TRAPPC12: variants seen among roughly 807,000 people sequenced by gnomAD.
TRAPPC12 encodes trafficking protein particle complex subunit 12.
A neutral mutation model predicts 69.2 loss-of-function variants in TRAPPC12; 61 were observed. The observed-to-expected ratio is 0.88, with a 90% CI of 0.72 to 1.09. TRAPPC12 has a LOEUF of 1.09. TRAPPC12 is among the 50% of genes least tolerant of loss of function. The pLI is 0.00. For synonymous variants in TRAPPC12, 469 were observed against 438.9 expected (o/e 1.07, Z -0.86); for missense variants, 1,101 against 1,016.4 (o/e 1.08, Z -1.13).
intron 2 of TRAPPC12, among the ~76,000 whole-genome samples, chr2:3,389,366 C>G (rs1660690351): frequency 6.6e-6 from 1 of 152,220 alleles, no homozygotes; most frequent in Admixed American, 6.5e-5. Context: ...GTGCGAGCAA[C>G]TGAGTGTAGG....
intron 5 of TRAPPC12, among the ~76,000 whole-genome samples, 190 bp downstream of exon 5, chr2:3,424,853 T>A (rs906212311): frequency 2.0e-5 from 3 of 152,218 alleles, no homozygotes; most frequent in Non-Finnish European, 4.4e-5. Flanking sequence ...GACCTGGAGG[T>A]GCTCCCTGGT....
intron 1 of TRAPPC12, among the ~76,000 whole-genome samples, chr2:3,384,927 G>C (rs1660425215): frequency 6.6e-6 from 1 of 151,968 alleles, no homozygotes; most frequent in Non-Finnish European, 1.5e-5. Context: ...CTTTTTTTAT[G>C]GTTATAGAAC....
chr2:3,455,540 C>T lies in TRAPPC12; in HGVS notation c.1531-2081C>T, dbSNP rs1440730412. On this transcript the variant is annotated intron_variant, in intron 6 of 11. Transcript: ENST00000324266. Reference sequence around the variant, plus strand: ...AGCCTCTGGTAACCATCCTCCTGCTCTCCATCTCCATGAGTTCAGTTGTTT... The same window carrying T: ...AGCCTCTGGTAACCATCCTCCTGCTTTCCATCTCCATGAGTTCAGTTGTTT... 4 of 152,298 alleles carry T rather than the reference C, an allele frequency of 2.6e-5. No homozygotes were observed. In the South Asian group the frequency reaches 6.2e-4, roughly 24 times the overall value. 9.4% of individuals were successfully genotyped at this position (152,298 alleles called of 1,614,324 possible).
At chr2:3,427,538 G>C (rs1663178095) in intron 5 of TRAPPC12, among the ~76,000 whole-genome samples, 1 of 152,192 alleles carries the variant, frequency 6.6e-6, no homozygotes, top group Admixed American at 6.5e-5. Context: ...TTTATGACAG[G>C]TGTTTAAGAA....
chr2:3,460,223 G>A (rs758000138), intron 7 of TRAPPC12, 40 bp from the exon 8 acceptor site: 28 of 872,464 alleles, frequency 3.2e-5, no homozygotes, highest in Non-Finnish European at 4.4e-5. Context: ...AAAGAGCCTC[G>A]AATTTATTTG....
intron 3 of TRAPPC12, among the ~76,000 whole-genome samples, chr2:3,404,134 C>T (rs1224089956): frequency 6.6e-6 from 1 of 152,132 alleles, no homozygotes; most frequent in African/African-American, 2.4e-5. Flanking sequence ...GGGCCTGGCT[C>T]CCGGCTGTGA....
intron 9 of TRAPPC12, 27 bp from the exon 10 acceptor site, chr2:3,477,668 T>C: frequency 6.8e-7 from 1 of 1,475,792 alleles, no homozygotes. Context: ...TTTTGTCAAC[T>C]AAACTGACTA....
At chr2:3,471,618 A>G (rs12714377) in intron 9 of TRAPPC12, among the ~76,000 whole-genome samples, 26,414 of 152,182 alleles carry the variant, frequency 0.17, 2,766 homozygotes, top group African/African-American at 0.28. Flanking sequence ...TGTTGTAAGC[A>G]AGATTGAAGT....
intron 3 of TRAPPC12, among the ~76,000 whole-genome samples, chr2:3,408,503 T>C (rs1661855770): frequency 6.6e-6 from 1 of 152,114 alleles, no homozygotes. Flanking sequence ...AGCACACGCC[T>C]GTAGTCCCAG....
chr2:3,447,321 CTCCTGACCTCAAAT>C (rs1452349009), intron 6 of TRAPPC12, among the ~76,000 whole-genome samples: 1 of 152,196 alleles, frequency 6.6e-6, no homozygotes, highest in Non-Finnish European at 1.5e-5. Flanking sequence ...TAGCCTCAAA[CTCCTGACCTCAAAT>C]GATCCACCCG....
chr2:3,397,735 T>C (rs913007059), intron 2 of TRAPPC12, among the ~76,000 whole-genome samples: 1 of 152,232 alleles, frequency 6.6e-6, no homozygotes, highest in South Asian at 2.1e-4. Context: ...ATAGAGATAA[T>C]GTATATTCTT....
At chr2:3,390,002 C>A (rs771998817) in intron 2 of TRAPPC12, among the ~76,000 whole-genome samples, 13 of 152,044 alleles carry the variant, frequency 8.6e-5, no homozygotes, top group Non-Finnish European at 1.6e-4. Flanking sequence ...GTGGAAAAAA[C>A]CAGTTGGGGA....
At chr2:3,427,289 C>T (rs1393692615) in intron 5 of TRAPPC12, among the ~76,000 whole-genome samples, 1 of 152,182 alleles carries the variant, frequency 6.6e-6, no homozygotes, top group Non-Finnish European at 1.5e-5. Flanking sequence ...GGGGGCTGGA[C>T]CCAGGTCTGT....
At chr2:3,398,408 T>C (rs1465950298) in intron 2 of TRAPPC12, among the ~76,000 whole-genome samples, 1 of 152,184 alleles carries the variant, frequency 6.6e-6, no homozygotes, top group Admixed American at 6.5e-5. Context: ...TTTGTTCAGG[T>C]GGTCTCATTT....
intron 5 of TRAPPC12, among the ~76,000 whole-genome samples, chr2:3,436,408 A>G (rs1359154297): frequency 2.6e-5 from 4 of 152,130 alleles, no homozygotes; most frequent in African/African-American, 9.7e-5. Flanking sequence ...ATTGTATACT[A>G]AAGAATATAT....
rs547499640 is a variant in TRAPPC12, at chr2:3,381,184, G to T, written c.-5+1308G>T. Reference sequence around the variant, plus strand: ...GTTTAGGATGAGTATTAAATAATAAGGTAAAATGCTTGATCTGTAGTGAGT... The same window carrying T: ...GTTTAGGATGAGTATTAAATAATAATGTAAAATGCTTGATCTGTAGTGAGT... On this transcript the variant is annotated intron_variant, in intron 1 of 11. Coordinates refer to ENST00000324266, the MANE Select transcript of TRAPPC12 (RefSeq NM_016030.6). Among the ~76,000 whole-genome samples, 11 of 152,230 alleles carry T rather than the reference G, an allele frequency of 7.2e-5. No individual in the cohort carries two copies. The East Asian group carries it at 2.1e-3, about 29-fold the overall frequency.
chr2:3,398,319 C>A (rs1036650879), intron 2 of TRAPPC12, among the ~76,000 whole-genome samples: 16 of 152,204 alleles, frequency 1.1e-4, no homozygotes, highest in African/African-American at 3.9e-4. Context: ...GTTGACTCCC[C>A]ACCAATGATG....
chr2:3,402,044 A>C, intron 3 of TRAPPC12, 151 bp downstream of exon 3: 1 of 575,834 alleles, frequency 1.7e-6, no homozygotes, highest in Non-Finnish European at 3.1e-6. Context: ...AGTCCTGTGC[A>C]CCAAAAAGCA....
At chr2:3,456,980 C>T (rs1356116947) in intron 6 of TRAPPC12, 2 of 406,096 alleles carry the variant, frequency 4.9e-6, no homozygotes, top group East Asian at 1.5e-4. Flanking sequence ...CCACTTTCAC[C>T]ATCAGCTGGG....
Sources: gnomAD v4.1 joint callset for allele counts (sites outside exome capture counted in the v4.1 genomes callset) on GRCh38, gnomAD v4.1.1 for gene constraint, MANE v1.5 for transcripts, NCBI Gene and HGNC (gene_info 2026-07-23, HGNC 2026-07-21) for gene names.